Variants in KIF13B observed in about 807,000 individuals in gnomAD.
The protein encoded by KIF13B is kinesin-like protein KIF13B.
In KIF13B, 127 loss-of-function variants were observed where a neutral mutation model predicts 222.0. That is an observed-to-expected ratio of 0.57 (90% CI 0.50 to 0.66). The LOEUF is 0.66. Among genes scored for constraint, KIF13B ranks in the 30% least tolerant of loss-of-function variants. The pLI is 0.00. For missense variants in KIF13B, 2,173 were observed against 2,379.0 expected (o/e 0.91, Z 1.80); for synonymous variants, 976 against 919.0 (o/e 1.06, Z -1.12).
chr8:29,144,554 G>A (rs1228899955), intron 18 of KIF13B, among the ~76,000 whole-genome samples: 3 of 152,020 alleles, frequency 2.0e-5, no homozygotes, highest in Non-Finnish European at 4.4e-5. Flanking sequence ...CACCATGCCC[G>A]GCCATCTTAC....
At chr8:29,223,345 AC>A (rs66921343) in intron 2 of KIF13B, among the ~76,000 whole-genome samples, 7,309 of 145,160 alleles carry the variant, frequency 0.05, 480 homozygotes, top group African/African-American at 0.084. Context: ...AAAAAAAAAA[AC>A]AAAAAAATCT....
intron 12 of KIF13B, among the ~76,000 whole-genome samples, chr8:29,163,326 G>C (rs1238371644): frequency 6.6e-6 from 1 of 152,236 alleles, no homozygotes; most frequent in Admixed American, 6.5e-5. Context: ...GGGTGCAGAG[G>C]CTGCAGAGAA....
At chr8:29,163,053 C>G (rs1457708317) in intron 12 of KIF13B, among the ~76,000 whole-genome samples, 1 of 152,184 alleles carries the variant, frequency 6.6e-6, no homozygotes. Flanking sequence ...AACCCCTGAT[C>G]TATCTCAAGG....
intron 16 of KIF13B, among the ~76,000 whole-genome samples, chr8:29,147,928 T>G (rs1037133574): frequency 6.6e-6 from 1 of 152,252 alleles, no homozygotes; most frequent in African/African-American, 2.4e-5. Context: ...CCGGGCACAG[T>G]GGCTCACACC....
At chr8:29,195,721 C>T (rs1813388174) in intron 3 of KIF13B, among the ~76,000 whole-genome samples, 1 of 152,132 alleles carries the variant, frequency 6.6e-6, no homozygotes, top group African/African-American at 2.4e-5. Flanking sequence ...TTCTGTTGGC[C>T]AGGAATGCAC....
In KIF13B at chr8:29,217,338, C is replaced by T. The variant is rs73560768; in HGVS notation, c.150-21139G>A. ...AATGAGACAGAGGAAAACACAGTGG[C>T]GAAGACTGGGCTCAGGAACTGAATT... is the stretch of plus-strand genomic sequence containing the variant. On this transcript the variant is annotated intron_variant, in intron 2 of 39. Coordinates refer to ENST00000524189, the MANE Select transcript of KIF13B (RefSeq NM_015254.4). Among the ~76,000 whole-genome samples the T allele has an allele frequency of 5.4e-3, 827 of 152,284 alleles. 5 individuals carry two copies. The highest frequency in any genetic ancestry group is 0.018 in the African/African-American group (728 of 41,548).
chr8:29,183,794 G>A (rs1243720221), intron 6 of KIF13B, among the ~76,000 whole-genome samples: 3 of 152,158 alleles, frequency 2.0e-5, no homozygotes, highest in Admixed American at 1.3e-4. Context: ...GTTAGCTTCC[G>A]TCATTTGGAG....
chr8:29,230,850 A>G (rs1051558187), intron 2 of KIF13B, among the ~76,000 whole-genome samples: 2 of 152,222 alleles, frequency 1.3e-5, no homozygotes, highest in African/African-American at 4.8e-5. Flanking sequence ...GTCTTGGTCC[A>G]ATGCCAGAGT....
Position 29,071,579 on chromosome 8 carries a change from C to A in KIF13B, c.5218+41G>T. 1 of 1,511,296 alleles carries A rather than the reference C, an allele frequency of 6.6e-7. No homozygotes were observed. Among genetic ancestry groups the A allele is most frequent in the Non-Finnish European group, 8.9e-7 (1 of 1,118,948 alleles). 93.6% of individuals were successfully genotyped at this position (1,511,296 alleles called of 1,614,324 possible). A position where few individuals can be genotyped will look rare whatever the true frequency, so the allele number is the denominator to read the frequency against. Reference sequence around the variant, plus strand: ...CCGGCCACGTTCCTGCTTCCCCAGACCCCCGGCACCACCCTGGAGCCCGGA... The same window carrying A: ...CCGGCCACGTTCCTGCTTCCCCAGAACCCCGGCACCACCCTGGAGCCCGGA... On this transcript the variant is annotated intron_variant, in intron 39 of 39. Coordinates refer to ENST00000524189, the MANE Select transcript of KIF13B (RefSeq NM_015254.4). The surrounding 1 kb of genome is among the most constrained non-coding windows in gnomAD (Gnocchi z 4.9).
chr8:29,139,729 T>C (rs1214527861), intron 21 of KIF13B, among the ~76,000 whole-genome samples: 1 of 152,168 alleles, frequency 6.6e-6, no homozygotes, highest in Non-Finnish European at 1.5e-5. Context: ...CACTTGTACA[T>C]TGCACCTGCG....
At chr8:29,154,173 T>C (rs192527079) in intron 14 of KIF13B, among the ~76,000 whole-genome samples, 1 of 152,208 alleles carries the variant, frequency 6.6e-6, no homozygotes, top group East Asian at 1.9e-4. Flanking sequence ...AAAGATTAGG[T>C]GGGTGTGGTA....
chr8:29,222,150 C>G (rs1162726892), intron 2 of KIF13B, among the ~76,000 whole-genome samples: 1 of 151,858 alleles, frequency 6.6e-6, no homozygotes, highest in Non-Finnish European at 1.5e-5. Context: ...AGTTCATGAC[C>G]AGCCTGGGCA....
At chr8:29,176,450 A>G (rs1812481186) in intron 9 of KIF13B, among the ~76,000 whole-genome samples, 1 of 152,256 alleles carries the variant, frequency 6.6e-6, no homozygotes, top group Non-Finnish European at 1.5e-5. Flanking sequence ...AAAACCATGT[A>G]TCTTTAAGAA....
chr8:29,157,803 C>G (rs1212910871), intron 13 of KIF13B, among the ~76,000 whole-genome samples: 1 of 150,682 alleles, frequency 6.6e-6, no homozygotes, highest in East Asian at 1.9e-4. Flanking sequence ...TGCACTCTCA[C>G]CTGGGTGACA....
intron 37 of KIF13B, among the ~76,000 whole-genome samples, chr8:29,077,858 C>T (rs533854509): frequency 6.6e-6 from 1 of 152,214 alleles, no homozygotes; most frequent in Admixed American, 6.5e-5. Flanking sequence ...GGGCGTGGCA[C>T]CAGGTGCCTC....
At chr8:29,112,346 T>C (rs754159949) in intron 32 of KIF13B, among the ~76,000 whole-genome samples, 7 of 143,910 alleles carry the variant, frequency 4.9e-5, no homozygotes, top group Non-Finnish European at 1.0e-4. Flanking sequence ...GGCAGGAGAA[T>C]CACTTGAACC....
chr8:29,202,292 A>C (rs1813729636), intron 2 of KIF13B, among the ~76,000 whole-genome samples: 2 of 152,100 alleles, frequency 1.3e-5, no homozygotes, highest in Admixed American at 6.6e-5. Context: ...TATACTGGGG[A>C]AGGTTGCCGC....
chr8:29,262,040 T>C (rs1354438528), intron 1 of KIF13B, among the ~76,000 whole-genome samples: 3 of 152,216 alleles, frequency 2.0e-5, no homozygotes, highest in Non-Finnish European at 4.4e-5. Context: ...CAAAGTCATC[T>C]CCTGAGACAG....
In KIF13B at chr8:29,148,770, T is replaced by G. The variant is rs1457963252; in HGVS notation, c.1623-3A>C. 4.4e-6 allele frequency: 7 copies of G among 1,586,606 alleles called. No individual in the cohort carries two copies. Among genetic ancestry groups the G allele is most frequent in the Non-Finnish European group, 6.0e-6 (7 of 1,166,676 alleles). On this transcript the variant is annotated splice_polypyrimidine_tract_variant and splice_region_variant and intron_variant, in intron 15 of 39. Coordinates refer to ENST00000524189, the MANE Select transcript of KIF13B (RefSeq NM_015254.4). ...TTTTCTTTTTAGGCAAATTGAGTCT[T>G]GGTGGGAAAAAGAGTATTATTTTCT...
Sources: allele counts gnomAD v4.1 joint callset (sites outside exome capture counted in the v4.1 genomes callset), GRCh38; gene constraint gnomAD v4.1.1; non-coding constraint Gnocchi (gnomAD v3.1); transcripts MANE v1.5; gene names NCBI Gene and HGNC (gene_info 2026-07-23, HGNC 2026-07-21).